LAMA4: variants seen among roughly 807,000 people sequenced by gnomAD.
LAMA4 encodes laminin subunit alpha 4.
Under a neutral mutation model 207.1 loss-of-function variants are expected in LAMA4, and 127 were observed. The ratio of observed to expected loss-of-function variants is 0.61; its 90% confidence interval spans 0.53 to 0.71. The LOEUF (loss-of-function observed/expected upper bound fraction) is 0.71, where lower values mean the gene tolerates loss of function less well. LAMA4 is among the 30% of genes least tolerant of loss of function. LAMA4 has a pLI of 0.00. For missense variants in LAMA4, 2,093 were observed against 2,246.5 expected (o/e 0.93, Z 1.38); for synonymous variants, 761 against 816.0 (o/e 0.93, Z 1.15).
intron 2 of LAMA4, chr6:112,253,604 T>G: frequency 3.8e-6 from 3 of 783,928 alleles, no homozygotes; most frequent in Non-Finnish European, 6.5e-6. Flanking sequence ...GCACACACGT[T>G]AAGTGCCGTG....
chr6:112,192,216 T>C (rs782080633), intron 5 of LAMA4, among the ~76,000 whole-genome samples: 28 of 152,176 alleles, frequency 1.8e-4, no homozygotes, highest in Non-Finnish European at 4.0e-4. Context: ...AGCTGGGAAA[T>C]GTCCTAGCCA....
intron 12 of LAMA4, among the ~76,000 whole-genome samples, chr6:112,167,851 C>T (rs1352119852): frequency 4.9e-4 from 20 of 40,574 alleles, no homozygotes; most frequent in African/African-American, 1.3e-3. Context: ...CACACACACA[C>T]ACACACACAC....
intron 6 of LAMA4, among the ~76,000 whole-genome samples, chr6:112,190,265 C>T (rs943292886): frequency 6.6e-6 from 1 of 152,204 alleles, no homozygotes; most frequent in Non-Finnish European, 1.5e-5. Context: ...ATTATTTCTG[C>T]TGTCCGCCTT....
chr6:112,214,081 G>T, intron 3 of LAMA4: 1 of 738,850 alleles, frequency 1.4e-6, no homozygotes, highest in Non-Finnish European at 2.5e-6. Context: ...CTGGGATAGC[G>T]GCACCAAAGG....
chr6:112,114,825 A>G, intron 36 of LAMA4, 69 bp from the exon 37 acceptor site: 1 of 1,095,218 alleles, frequency 9.1e-7, no homozygotes, highest in Non-Finnish European at 1.4e-6. Context: ...TTTCTTAAAT[A>G]ATTTACCACA....
Position 112,187,488 on chromosome 6 carries a change from G to C in LAMA4, c.928C>G (p.His310Asp), listed in dbSNP as rs374968791. The change falls in exon 8 of 39, where the codon CAC becomes GAC. Residue 310 changes from histidine (H) to aspartate (D), a missense_variant. By Grantham distance (81) the His-to-Asp change is moderately conservative. Around this residue, in one of 3 missense-constraint regions of LAMA4, gnomAD observed 1,704 missense variants for 1,788.4 expected, o/e 0.95. Coordinates refer to ENST00000230538, the MANE Select transcript of LAMA4 (RefSeq NM_001105206.3). ...ATGGTGGCGTTGATTTCATTCACGT[G>C]CCTATGAGCGGCGGCCCCAGAGGAT... ...SVSSGAAAHR[H>D]VNEINATIYL... The C allele has an allele frequency of 1.0e-4, 168 of 1,613,972 alleles. No individual in the cohort carries two copies. Among genetic ancestry groups the C allele is most frequent in the Non-Finnish European group, 1.4e-4 (162 of 1,180,014 alleles).
At chr6:112,178,097 T>C (rs373916770) in intron 10 of LAMA4, 24 bp downstream of exon 10, 7 of 1,495,566 alleles carry the variant, frequency 4.7e-6, no homozygotes, top group Non-Finnish European at 6.5e-6. Context: ...GATATTAAAC[T>C]GAACCAGAAG....
chr6:112,129,169 A>AATGTGTGTGTGTGTGTGC, intron 30 of LAMA4, 94 bp from the exon 31 acceptor site: 1 of 1,118,572 alleles, frequency 8.9e-7, no homozygotes, highest in Non-Finnish European at 1.3e-6. Context: ...TGGCAATTAA[A>AATGTGTGTGTGTGTGTGC]ATGTGTGTGT....
In LAMA4 at chr6:112,198,763, G is replaced by A. The variant is rs142387189; in HGVS notation, c.503+2845C>T. Among the ~76,000 whole-genome samples the A allele has an allele frequency of 1.8e-3, 267 of 152,140 alleles. 1 individual carries two copies. The highest frequency in any genetic ancestry group is 2.9e-3 in the Non-Finnish European group (195 of 68,006). ...GCCAACGTGTCCCAGGAACACAATC[G>A]GCAGTGGCAGAAGTTGGACAATGAC... On this transcript the variant is annotated intron_variant, in intron 5 of 38. Coordinates refer to ENST00000230538, the MANE Select transcript of LAMA4 (RefSeq NM_001105206.3).
chr6:112,184,820 T>A (rs1340922831), intron 9 of LAMA4, among the ~76,000 whole-genome samples: 1 of 152,110 alleles, frequency 6.6e-6, no homozygotes, highest in African/African-American at 2.4e-5. Flanking sequence ...CTCAGGACAA[T>A]TCCCTTTCTT....
At chr6:112,160,999 C>G (rs1781022542) in intron 13 of LAMA4, among the ~76,000 whole-genome samples, 1 of 152,330 alleles carries the variant, frequency 6.6e-6, no homozygotes, top group African/African-American at 2.4e-5. Flanking sequence ...TGACCCCCAA[C>G]CTGCTATATC....
intron 8 of LAMA4, 97 bp downstream of exon 8, chr6:112,187,353 T>C: frequency 1.5e-6 from 2 of 1,359,598 alleles, no homozygotes; most frequent in African/African-American, 1.4e-5. Flanking sequence ...AATACAGGTA[T>C]GAGACTCAGA....
At chr6:112,217,065 A>G (rs1784670199) in intron 2 of LAMA4, among the ~76,000 whole-genome samples, 1 of 152,172 alleles carries the variant, frequency 6.6e-6, no homozygotes, top group Non-Finnish European at 1.5e-5. Context: ...CTGTTCATAT[A>G]TGTATTTCAT....
intron 11 of LAMA4, 133 bp from the exon 12 acceptor site, chr6:112,172,937 A>G (rs1781810008): frequency 1.4e-6 from 1 of 700,838 alleles, no homozygotes; most frequent in African/African-American, 1.8e-5. Flanking sequence ...TATTGTTCAC[A>G]AAATTAGCTC....
intron 2 of LAMA4, among the ~76,000 whole-genome samples, chr6:112,243,753 C>T (rs1786698798): frequency 6.6e-6 from 1 of 152,060 alleles, no homozygotes; most frequent in African/African-American, 2.4e-5. Context: ...AGGTAATAAT[C>T]ACTAGTTCTA....
chr6:112,241,580 T>G (rs1786518081), intron 2 of LAMA4, among the ~76,000 whole-genome samples: 1 of 152,146 alleles, frequency 6.6e-6, no homozygotes, highest in East Asian at 1.9e-4. Flanking sequence ...ATTTTTGTCA[T>G]CAGTAAAATG....
At chr6:112,201,587 T>C (rs782714423) in intron 5 of LAMA4, 21 bp downstream of exon 5, 3 of 1,599,244 alleles carry the variant, frequency 1.9e-6, no homozygotes, top group South Asian at 2.2e-5. Context: ...ACACAGAAAA[T>C]AGAGAATTTT....
At chr6:112,136,606 C>T (rs369541595) in intron 24 of LAMA4, among the ~76,000 whole-genome samples, 10 of 151,438 alleles carry the variant, frequency 6.6e-5, no homozygotes, top group South Asian at 2.1e-4. Flanking sequence ...GCAAGAGAAT[C>T]GCTTGAACCC....
intron 8 of LAMA4, chr6:112,186,722 A>G (rs1337499447): frequency 2.2e-6 from 1 of 446,730 alleles, no homozygotes; most frequent in African/African-American, 2.0e-5. Context: ...TAGTTGTTAC[A>G]CTGTATTTTT....
Sources: allele counts gnomAD v4.1 joint callset (sites outside exome capture counted in the v4.1 genomes callset), GRCh38; gene constraint gnomAD v4.1.1; regional missense constraint gnomAD v4.1.1; transcripts MANE v1.5; gene names NCBI Gene and HGNC (gene_info 2026-07-23, HGNC 2026-07-21).